The following SWT1 variants were observed in gnomAD, a reference collection of about 807,000 sequenced individuals.
SWT1 encodes transcriptional protein SWT1.
SWT1 carries 33 observed loss-of-function variants against 107.3 expected under a neutral mutation model. The observed-to-expected ratio is 0.31, with a 90% confidence interval of 0.23 to 0.41. SWT1 has a LOEUF of 0.41. SWT1 is among the 10% of genes least tolerant of loss of function. The pLI is 1.00. For missense variants in SWT1, 898 were observed against 1,028.9 expected, an observed-to-expected ratio of 0.87 and a Z score of 1.74; for synonymous variants, 345 against 348.3, an observed-to-expected ratio of 0.99 and a Z score of 0.11.
At chr1:185,178,122 A>G (rs1655719648) in intron 5 of SWT1, among the ~76,000 whole-genome samples, 1 of 152,228 alleles carries the variant, frequency 6.6e-6, no homozygotes, top group Non-Finnish European at 1.5e-5. Flanking sequence ...AGAAGGGCTC[A>G]CTAAAGTGGT....
At chr1:185,182,205 C>A in intron 7 of SWT1, 148 bp downstream of exon 7, 1 of 747,992 alleles carries the variant, frequency 1.3e-6, no homozygotes, top group Non-Finnish European at 2.0e-6. Context: ...TTTTTAGGTA[C>A]AGGAATTAGA....
chr1:185,198,078 G>A (rs751270937), intron 10 of SWT1, among the ~76,000 whole-genome samples: 1 of 152,140 alleles, frequency 6.6e-6, no homozygotes, highest in Non-Finnish European at 1.5e-5. Flanking sequence ...TGCTTTTAGT[G>A]CTATAAATTT....
At chr1:185,182,087 C>T (rs752476209) in intron 7 of SWT1, 30 bp downstream of exon 7, 1 of 1,579,886 alleles carries the variant, frequency 6.3e-7, no homozygotes, top group Non-Finnish European at 8.6e-7. Flanking sequence ...GTGTATGCTC[C>T]CCTATGCTTT....
chr1:185,208,811 G>A (rs529765979), intron 13 of SWT1, among the ~76,000 whole-genome samples: 6 of 150,850 alleles, frequency 4.0e-5, no homozygotes, highest in East Asian at 1.9e-4. Flanking sequence ...TTCTAATCTA[G>A]GATGCATAGC....
chr1:185,251,646 T>C (rs1662029363), intron 16 of SWT1, among the ~76,000 whole-genome samples: 2 of 152,120 alleles, frequency 1.3e-5, no homozygotes, highest in South Asian at 4.1e-4. Flanking sequence ...CATATATTAA[T>C]ACTGCTAGAC....
At position 185,211,444 on chromosome 1, in the gene SWT1, C is replaced by T. The variant is rs189975793; in HGVS notation, c.1973-3063C>T. Among the ~76,000 whole-genome samples, 622 of 152,218 alleles carry T rather than the reference C, an allele frequency of 4.1e-3. 7 individuals are homozygous for T. The highest frequency in any genetic ancestry group is 2.6e-3 in the Non-Finnish European group (177 of 68,006). On this transcript the variant is annotated intron_variant, in intron 13 of 18. Transcript: ENST00000367500. Reference sequence around the variant, plus strand: ...TATAAGTTACCAATTTTTTAAGGAACGGCACTTTCCTGTCATTGCCTTCAG... The same window carrying T: ...TATAAGTTACCAATTTTTTAAGGAATGGCACTTTCCTGTCATTGCCTTCAG...
intron 14 of SWT1, among the ~76,000 whole-genome samples, chr1:185,219,211 G>A (rs955069614): frequency 6.6e-6 from 1 of 152,134 alleles, no homozygotes; most frequent in African/African-American, 2.4e-5. Flanking sequence ...GATGGAGAGA[G>A]CTCATAACTT....
chr1:185,158,456 T>TA (rs1392246320), intron 1 of SWT1, among the ~76,000 whole-genome samples: 2 of 152,018 alleles, frequency 1.3e-5, no homozygotes, highest in Admixed American at 6.6e-5. Flanking sequence ...GACTATAACT[T>TA]ACAGAAATGC....
chr1:185,213,184 C>T (rs1301825583), intron 13 of SWT1, among the ~76,000 whole-genome samples: 1 of 152,120 alleles, frequency 6.6e-6, no homozygotes, highest in Non-Finnish European at 1.5e-5. Flanking sequence ...ATGTAAGCCT[C>T]ATTAAACATA....
intron 6 of SWT1, among the ~76,000 whole-genome samples, chr1:185,181,329 A>G (rs937084588): frequency 1.3e-5 from 2 of 152,142 alleles, no homozygotes; most frequent in Non-Finnish European, 2.9e-5. Context: ...AGTCAATTGT[A>G]TTTTTCTGTT....
Position 185,206,741 on chromosome 1 carries a change from C to T in SWT1, c.1950C>T (p.Ser650=). 6.3e-7 allele frequency: 1 copy of T among 1,598,532 alleles called. No individual in the cohort carries two copies. The highest frequency in any genetic ancestry group is 8.5e-7 in the Non-Finnish European group (1 of 1,173,834). ...AGAACTTGCTTTTAACTATTGAGAG[C>T]CTATACAAAAATCTCCGTAAAGGTA... is the stretch of plus-strand genomic sequence containing the variant. ...MEKNLLLTIE[S]LYKNLRKANK... The change falls in exon 13 of 19, where the codon AGC becomes AGT. Residue 650 remains serine (S), a synonymous_variant. Transcript: ENST00000367500.
intron 10 of SWT1, 109 bp from the exon 11 acceptor site, chr1:185,202,545 T>C (rs1349097879): frequency 2.3e-6 from 2 of 876,914 alleles, no homozygotes; most frequent in African/African-American, 3.5e-5. Context: ...TCTTAAGGTA[T>C]AGGCTGAGAA....
At chr1:185,210,403 G>A (rs1658691705) in intron 13 of SWT1, among the ~76,000 whole-genome samples, 1 of 152,094 alleles carries the variant, frequency 6.6e-6, no homozygotes, top group Non-Finnish European at 1.5e-5. Context: ...TTTGTATAAG[G>A]TGTAAGGAAG....
intron 15 of SWT1, among the ~76,000 whole-genome samples, chr1:185,229,680 A>AT (rs1240965673): frequency 1.3e-5 from 2 of 152,080 alleles, no homozygotes; most frequent in Non-Finnish European, 2.9e-5. Flanking sequence ...CCAGAAAAAG[A>AT]TGAAGAAAGA....
chr1:185,201,490 C>T (rs1402656915), intron 10 of SWT1, among the ~76,000 whole-genome samples: 1 of 152,168 alleles, frequency 6.6e-6, no homozygotes, highest in Non-Finnish European at 1.5e-5. Flanking sequence ...CACAGCTTCC[C>T]TTGGCTAGGG....
At chr1:185,238,060 C>CA (rs1462162182) in intron 16 of SWT1, among the ~76,000 whole-genome samples, 1 of 151,656 alleles carries the variant, frequency 6.6e-6, no homozygotes, top group African/African-American at 2.4e-5. Context: ...AATCACGGCT[C>CA]ACTGTAGCAT....
At chr1:185,241,080 T>C (rs1276978756) in intron 16 of SWT1, among the ~76,000 whole-genome samples, 2 of 152,118 alleles carry the variant, frequency 1.3e-5, no homozygotes, top group East Asian at 3.8e-4. Context: ...GAAAAGGTTA[T>C]TTAGAATAGG....
At chr1:185,188,767 T>G (rs1432337029) in intron 9 of SWT1, among the ~76,000 whole-genome samples, 1 of 152,184 alleles carries the variant, frequency 6.6e-6, no homozygotes, top group East Asian at 1.9e-4. Flanking sequence ...GGCTGGTATG[T>G]CTTAAATTTT....
chr1:185,218,099 T>C (rs1429167182), intron 14 of SWT1, among the ~76,000 whole-genome samples: 1 of 152,180 alleles, frequency 6.6e-6, no homozygotes, highest in Non-Finnish European at 1.5e-5. Context: ...TTATAGAATG[T>C]ATTAGATTTG....
Sources: allele counts gnomAD v4.1 joint callset (sites outside exome capture counted in the v4.1 genomes callset), GRCh38; gene constraint gnomAD v4.1.1; transcripts MANE v1.5; gene names NCBI Gene and HGNC (gene_info 2026-07-23, HGNC 2026-07-21).